CNTN5: variants seen among roughly 807,000 people sequenced by gnomAD.
CNTN5 encodes contactin-5.
A neutral mutation model predicts 129.1 loss-of-function variants in CNTN5; 77 were observed. That is an observed-to-expected ratio of 0.60 (90% CI 0.50 to 0.72). CNTN5 has a LOEUF of 0.72. Among genes scored for constraint, CNTN5 ranks in the 30% least tolerant of loss-of-function variants. The pLI, the probability that CNTN5 is intolerant of heterozygous loss-of-function variation, is 0.00. For synonymous variants in CNTN5, 509 were observed against 465.6 expected, an observed-to-expected ratio of 1.09 and a Z score of -1.20; for missense variants, 1,478 against 1,328.8, an observed-to-expected ratio of 1.11 and a Z score of -1.75.
intron 20 of CNTN5, 48 bp from the exon 21 acceptor site, chr11:100,308,311 T>C (rs751066113): frequency 2.6e-6 from 4 of 1,564,844 alleles, no homozygotes; most frequent in African/African-American, 2.7e-5. Context: ...CGCAATACTT[T>C]GATGGACATA....
chr11:99,190,262 T>A (rs1418481936), intron 1 of CNTN5, among the ~76,000 whole-genome samples: 1 of 151,760 alleles, frequency 6.6e-6, no homozygotes, highest in Non-Finnish European at 1.5e-5. Context: ...TGATTGTGTT[T>A]ATATGGCAGT....
chr11:99,441,264 T>A (rs1565584687), intron 2 of CNTN5, among the ~76,000 whole-genome samples: 1 of 152,256 alleles, frequency 6.6e-6, no homozygotes, highest in Non-Finnish European at 1.5e-5. Flanking sequence ...ATATTTAGTC[T>A]AGTTACCTCA....
At chr11:99,261,851 G>C (rs1862643772) in intron 1 of CNTN5, among the ~76,000 whole-genome samples, 1 of 151,856 alleles carries the variant, frequency 6.6e-6, no homozygotes, top group South Asian at 2.1e-4. Context: ...GATTGACATG[G>C]GGTCTAAATC....
At chr11:99,377,002 A>C (rs897810030) in intron 2 of CNTN5, among the ~76,000 whole-genome samples, 1 of 152,152 alleles carries the variant, frequency 6.6e-6, no homozygotes, top group African/African-American at 2.4e-5. Context: ...TGTACTTAAC[A>C]TGGTGTTTGG....
At chr11:99,636,847 T>C (rs949212525) in intron 3 of CNTN5, among the ~76,000 whole-genome samples, 50 of 150,152 alleles carry the variant, frequency 3.3e-4, no homozygotes, top group Non-Finnish European at 6.2e-4. Flanking sequence ...AACCCGTCTC[T>C]ACTAAAAATA....
chr11:99,308,095 C>A (rs919590291), intron 1 of CNTN5, among the ~76,000 whole-genome samples: 55 of 152,266 alleles, frequency 3.6e-4, no homozygotes, highest in Non-Finnish European at 3.8e-4. Flanking sequence ...AAATGAAAAG[C>A]TAATTTACTG....
intron 2 of CNTN5, among the ~76,000 whole-genome samples, chr11:99,335,756 G>T (rs758590751): frequency 1.3e-5 from 2 of 152,142 alleles, no homozygotes; most frequent in Non-Finnish European, 2.9e-5. Flanking sequence ...TTAACACTCA[G>T]ATTCCTTTCA....
intron 2 of CNTN5, among the ~76,000 whole-genome samples, chr11:99,369,214 TA>T (rs1565527033): frequency 2.3e-3 from 129 of 57,286 alleles, no homozygotes; most frequent in African/African-American, 7.8e-3. Context: ...ATATATTATA[TA>T]TAATATATAT....
At position 99,224,358 on chromosome 11, in the gene CNTN5, T is replaced by A. The variant is rs544965792; in HGVS notation, c.-209-100988T>A. On this transcript the variant is annotated intron_variant, in intron 1 of 24. Transcript: ENST00000524871. ...CATTGCCACTACTGTTTGCATCCTG[T>A]ATTTATTATATGGTAGCACAAGTAA... Among the ~76,000 whole-genome samples, 3 of 152,298 alleles carry A rather than the reference T, an allele frequency of 2.0e-5. No individual in the cohort carries two copies. The East Asian group carries it at 5.8e-4, about 29-fold the overall frequency.
At chr11:99,155,286 T>C (rs774426097) in intron 1 of CNTN5, among the ~76,000 whole-genome samples, 1 of 152,232 alleles carries the variant, frequency 6.6e-6, no homozygotes, top group African/African-American at 2.4e-5. Context: ...TTAAAACATT[T>C]TTAAAAATCT....
At chr11:100,018,969 T>G (rs1940977297) in intron 9 of CNTN5, among the ~76,000 whole-genome samples, 1 of 151,972 alleles carries the variant, frequency 6.6e-6, no homozygotes, top group African/African-American at 2.4e-5. Context: ...GTTAATAGCT[T>G]GCCAATATTT....
At chr11:100,222,745 T>A (rs762252686) in intron 15 of CNTN5, among the ~76,000 whole-genome samples, 31 of 152,044 alleles carry the variant, frequency 2.0e-4, no homozygotes, top group Non-Finnish European at 3.7e-4. Context: ...AAATCCTCCC[T>A]GATTTGTGAG....
In CNTN5 at chr11:99,932,350, G is replaced by A. The variant is rs183359067; in HGVS notation, c.673+16201G>A. Among the ~76,000 whole-genome samples, 185 of 151,946 alleles carry A rather than the reference G, an allele frequency of 1.2e-3. 1 individual carries two copies. The highest frequency in any genetic ancestry group is 2.0e-3 in the Non-Finnish European group (136 of 67,958). On this transcript the variant is annotated intron_variant, in intron 7 of 24. Transcript: ENST00000524871. Reference sequence around the variant, plus strand: ...TGAGATTGCAGGCACCCACCACCACGCCTGGCTAATTTTTGTATTTTTAGT... The same window carrying A: ...TGAGATTGCAGGCACCCACCACCACACCTGGCTAATTTTTGTATTTTTAGT...
intron 3 of CNTN5, among the ~76,000 whole-genome samples, chr11:99,673,870 G>C (rs1286904111): frequency 6.6e-6 from 1 of 152,152 alleles, no homozygotes; most frequent in African/African-American, 2.4e-5. Flanking sequence ...CATTTAGGTT[G>C]ATTCCCTGTC....
intron 16 of CNTN5, among the ~76,000 whole-genome samples, chr11:100,234,122 G>A (rs1949551609): frequency 6.6e-6 from 1 of 152,188 alleles, no homozygotes. Context: ...TAGAATGGTG[G>A]TCATTAAAAA....
intron 13 of CNTN5, among the ~76,000 whole-genome samples, chr11:100,138,062 G>T (rs757867595): frequency 1.3e-5 from 2 of 152,070 alleles, no homozygotes; most frequent in Non-Finnish European, 2.9e-5. Flanking sequence ...AAAGGGAAAT[G>T]AAGGACAGAG....
chr11:99,746,158 T>A (rs1944049783), intron 3 of CNTN5, among the ~76,000 whole-genome samples: 1 of 152,208 alleles, frequency 6.6e-6, no homozygotes, highest in Non-Finnish European at 1.5e-5. Context: ...CCCAAACCAA[T>A]GGCAAGAATA....
At chr11:100,160,043 T>C (rs1355915188) in intron 13 of CNTN5, among the ~76,000 whole-genome samples, 2 of 151,856 alleles carry the variant, frequency 1.3e-5, no homozygotes, top group Non-Finnish European at 2.9e-5. Flanking sequence ...CTACATTAGG[T>C]ATTTCTCCTA....
intron 8 of CNTN5, among the ~76,000 whole-genome samples, chr11:99,988,554 T>G (rs12271420): frequency 0.062 from 9,511 of 152,236 alleles, 498 homozygotes; most frequent in African/African-American, 0.13. Context: ...CAAGTGAACC[T>G]AAGTAAGGAA....
Sources: gnomAD v4.1 joint callset for allele counts (sites outside exome capture counted in the v4.1 genomes callset) on GRCh38, gnomAD v4.1.1 for gene constraint, MANE v1.5 for transcripts, NCBI Gene and HGNC (gene_info 2026-07-23, HGNC 2026-07-21) for gene names.